SERINC5: variants seen among roughly 807,000 people sequenced by gnomAD.
SERINC5 encodes chromosome 5 open reading frame 12.
In SERINC5, 41 loss-of-function variants were observed where a neutral mutation model predicts 63.1. The observed-to-expected ratio is 0.65, with a 90% confidence interval of 0.51 to 0.84. The LOEUF is 0.84. Among genes scored for constraint, SERINC5 ranks in the 40% least tolerant of loss-of-function variants. SERINC5 has a pLI of 0.00. For missense variants in SERINC5, 523 were observed against 573.0 expected (o/e 0.91, Z 0.89); for synonymous variants, 222 against 215.2 (o/e 1.03, Z -0.28).
chr5:80,133,028 G>A (rs1045018890), intron 11 of SERINC5, among the ~76,000 whole-genome samples: 5 of 152,112 alleles, frequency 3.3e-5, no homozygotes, highest in Non-Finnish European at 5.9e-5. Flanking sequence ...CATGGTTGCA[G>A]ATCCCTCATG....
intron 8 of SERINC5, among the ~76,000 whole-genome samples, chr5:80,151,634 G>C (rs1746186858): frequency 6.6e-6 from 1 of 152,158 alleles, no homozygotes; most frequent in African/African-American, 2.4e-5. Flanking sequence ...GAGCAACATA[G>C]CAAGACCTCA....
chr5:80,229,042 T>G (rs1751301824), intron 1 of SERINC5, among the ~76,000 whole-genome samples: 2 of 38,042 alleles, frequency 5.3e-5, no homozygotes, highest in Non-Finnish European at 9.1e-5. Context: ...TTTTTTTTTT[T>G]TTTTTTTTGG....
intron 8 of SERINC5, chr5:80,157,913 A>T (rs534533517): frequency 6.6e-6 from 1 of 152,222 alleles, no homozygotes; most frequent in Non-Finnish European, 1.5e-5. Context: ...TTCTAATAGT[A>T]GAAGTTGTTA....
intron 1 of SERINC5, 99 bp from the exon 2 acceptor site, chr5:80,203,152 T>C (rs1580163127): frequency 7.4e-6 from 9 of 1,218,598 alleles, no homozygotes; most frequent in East Asian, 2.6e-5. Flanking sequence ...TCCCTGCTAC[T>C]CGGGGGGCTG....
chr5:80,239,690 A>G (rs1751865488), intron 1 of SERINC5, among the ~76,000 whole-genome samples: 1 of 152,000 alleles, frequency 6.6e-6, no homozygotes, highest in African/African-American at 2.4e-5. Context: ...GCCTCTTTTA[A>G]CTTTATTATA....
At position 80,208,445 on chromosome 5, in the gene SERINC5, C is replaced by G. The variant is rs74500934; in HGVS notation, c.28-5392G>C. Among the ~76,000 whole-genome samples the G allele has an allele frequency of 5.2e-3, 795 of 152,068 alleles. 7 individuals carry two copies. The highest frequency in any genetic ancestry group is 0.016 in the African/African-American group (680 of 41,474). On this transcript the variant is annotated intron_variant, in intron 1 of 11. Transcript: ENST00000507668. ...AATGAACAAAACAGTGCCTGCCCCCCCAAACGACTCAGTAAATGGATGTTG... is the reference window on the plus strand; with the variant it reads ...AATGAACAAAACAGTGCCTGCCCCCGCAAACGACTCAGTAAATGGATGTTG...
intron 1 of SERINC5, among the ~76,000 whole-genome samples, chr5:80,217,903 CT>C (rs1005925174): frequency 1.8e-4 from 28 of 152,266 alleles, no homozygotes; most frequent in African/African-American, 6.3e-4. Context: ...AAGGACAAAT[CT>C]AGTGACAACC....
intron 2 of SERINC5, among the ~76,000 whole-genome samples, chr5:80,196,601 TA>T (rs1339199233): frequency 1.3e-5 from 2 of 152,162 alleles, no homozygotes; most frequent in African/African-American, 4.8e-5. Flanking sequence ...GAGCATAATT[TA>T]TAATAGCCAA....
intron 7 of SERINC5, among the ~76,000 whole-genome samples, chr5:80,162,644 G>A (rs1561382617): frequency 6.6e-6 from 1 of 152,304 alleles, no homozygotes; most frequent in East Asian, 1.9e-4. Context: ...AAAGTGCTGG[G>A]ATCACAGGGA....
chr5:80,251,205 G>A (rs1752396318), intron 1 of SERINC5, among the ~76,000 whole-genome samples: 1 of 152,102 alleles, frequency 6.6e-6, no homozygotes, highest in Admixed American at 6.6e-5. Flanking sequence ...CTTGACCCCA[G>A]GAGTTGGAGG....
At chr5:80,181,650 T>C (rs571080898) in intron 2 of SERINC5, among the ~76,000 whole-genome samples, 1 of 146,460 alleles carries the variant, frequency 6.8e-6, no homozygotes, top group African/African-American at 2.4e-5. Context: ...CTGTACATTT[T>C]TTATGACTTT....
intron 1 of SERINC5, among the ~76,000 whole-genome samples, chr5:80,251,149 C>A (rs184775661): frequency 6.6e-6 from 1 of 152,066 alleles, no homozygotes; most frequent in Non-Finnish European, 1.5e-5. Flanking sequence ...CATGGTAGAA[C>A]GCACCTGTAG....
In SERINC5 at chr5:80,143,585, C is replaced by A; in HGVS notation, c.*78G>T. 1 of 1,470,820 alleles carries A rather than the reference C, an allele frequency of 6.8e-7. No homozygotes were observed. The highest frequency in any genetic ancestry group is 9.0e-7 in the Non-Finnish European group (1 of 1,108,924). 91.1% of individuals were successfully genotyped at this position (1,470,820 alleles called of 1,614,324 possible). ...CCCACTCAGGCACAGGGCGCCAGTC[C>A]CTGCCCCGGGGACACTGTTCAAAAG... On this transcript the variant is annotated 3_prime_UTR_variant, in exon 12 of 12. Transcript: ENST00000507668.
At chr5:80,207,237 A>G (rs1016095404) in intron 1 of SERINC5, among the ~76,000 whole-genome samples, 15 of 152,108 alleles carry the variant, frequency 9.9e-5, no homozygotes, top group African/African-American at 3.6e-4. Flanking sequence ...TGACCTTGTA[A>G]TCCGCCGTCT....
chr5:80,146,350 T>C lies in SERINC5; in HGVS notation c.1094-116A>G, dbSNP rs1313831671. ...CAGTAGAAAAGATGCCAGAAAGCCA[T>C]CTGTACCCTCTGGCAACTTCAATCT... On this transcript the variant is annotated intron_variant, in intron 10 of 11. Transcript: ENST00000507668. The C allele has an allele frequency of 2.4e-6, 3 of 1,224,768 alleles. No individual in the cohort carries two copies. In the African/African-American group the frequency reaches 4.5e-5, roughly 18 times the overall value. 75.9% of individuals were successfully genotyped at this position (1,224,768 alleles called of 1,614,324 possible). A position where few individuals can be genotyped will look rare whatever the true frequency, so the allele number is the denominator to read the frequency against.
chr5:80,248,015 G>T lies in SERINC5; in HGVS notation c.27+7881C>A, dbSNP rs150371735. 3.9e-3 allele frequency among the ~76,000 whole-genome samples: 591 copies of T among 151,810 alleles called. 5 individuals carry two copies. The highest frequency in any genetic ancestry group is 0.014 in the African/African-American group (564 of 41,410). On this transcript the variant is annotated intron_variant, in intron 1 of 11. Coordinates refer to ENST00000507668, the MANE Select transcript of SERINC5 (RefSeq NM_001174072.3). ...ATAGGCACACACACCACCATGCCCT[G>T]GCTAATTTTTGTTTTTTGTAGAGAC...
Position 80,143,468 on chromosome 5 carries a change from C to G in SERINC5, c.*195G>C. On this transcript the variant is annotated 3_prime_UTR_variant, in exon 12 of 12. Coordinates refer to ENST00000507668, the MANE Select transcript of SERINC5 (RefSeq NM_001174072.3). ...ATCAGTTTGGTTGAAAATTTCAATT[C>G]CTTTGGGACAAACTGGTAGTTTCTT... 7.5e-7 allele frequency: 1 copy of G among 1,339,174 alleles called. No individual in the cohort carries two copies. The highest frequency in any genetic ancestry group is 9.5e-7 in the Non-Finnish European group (1 of 1,047,674). 83.0% of individuals were successfully genotyped at this position (1,339,174 alleles called of 1,614,324 possible).
chr5:80,162,230 A>AT (rs57336477), intron 7 of SERINC5, among the ~76,000 whole-genome samples: 152,372 of 152,372 alleles, frequency 1, 76,186 homozygotes, highest in Non-Finnish European at 1. Flanking sequence ...AAATTTTAGG[A>AT]TGTTTTTCTG....
intron 11 of SERINC5, among the ~76,000 whole-genome samples, chr5:80,119,491 G>A (rs1302071581): frequency 6.6e-6 from 1 of 152,206 alleles, no homozygotes; most frequent in Non-Finnish European, 1.5e-5. Flanking sequence ...CAGAGAACAG[G>A]GCCACCAGGG....
Sources: allele counts gnomAD v4.1 joint callset (sites outside exome capture counted in the v4.1 genomes callset), GRCh38; gene constraint gnomAD v4.1.1; transcripts MANE v1.5; gene names NCBI Gene and HGNC (gene_info 2026-07-23, HGNC 2026-07-21).